The following CEP41 variants were observed in gnomAD, a reference collection of about 807,000 sequenced individuals.
CEP41 encodes centrosomal protein 41.
CEP41 carries 32 observed loss-of-function variants against 44.3 expected under a neutral mutation model. The observed-to-expected ratio is 0.72, with a 90% CI of 0.54 to 0.97. The LOEUF is 0.97. Ranked by LOEUF, CEP41 falls within the 50% of genes least tolerant of loss-of-function variation. CEP41 has a pLI of 0.00. For synonymous variants in CEP41, 151 were observed against 168.5 expected (o/e 0.90, Z 0.80); for missense variants, 432 against 455.2 (o/e 0.95, Z 0.46).
intron 3 of CEP41, among the ~76,000 whole-genome samples, chr7:130,412,866 T>A (rs1239448464): frequency 6.6e-6 from 1 of 152,202 alleles, no homozygotes; most frequent in Non-Finnish European, 1.5e-5. Flanking sequence ...TTAACCTACT[T>A]AGTTTCGCAA....
chr7:130,428,291 A>C (rs1293326917), intron 1 of CEP41, among the ~76,000 whole-genome samples: 1 of 151,602 alleles, frequency 6.6e-6, no homozygotes, highest in Non-Finnish European at 1.5e-5. Context: ...AGGCATGGTG[A>C]TGGGCGCCTG....
intron 1 of CEP41, among the ~76,000 whole-genome samples, chr7:130,432,439 A>G (rs1797848786): frequency 6.6e-6 from 1 of 151,982 alleles, no homozygotes; most frequent in Non-Finnish European, 1.5e-5. Flanking sequence ...TGAGTATGAG[A>G]TATCTGTGGG....
chr7:130,438,937 CT>C (rs1339725123), intron 1 of CEP41, among the ~76,000 whole-genome samples: 2 of 151,962 alleles, frequency 1.3e-5, no homozygotes, highest in African/African-American at 4.8e-5. Context: ...ACCCACTTAT[CT>C]TTTTTTTGAG....
intron 2 of CEP41, chr7:130,417,426 A>G: frequency 1.1e-6 from 1 of 883,840 alleles, no homozygotes; most frequent in Non-Finnish European, 1.4e-6. Flanking sequence ...CTTTGTCTTC[A>G]CAGTTTCCTT....
At chr7:130,418,173 TGGACCTGGAAGTTCCAA>T (rs1554421272) in intron 2 of CEP41, among the ~76,000 whole-genome samples, 1 of 152,210 alleles carries the variant, frequency 6.6e-6, no homozygotes, top group East Asian at 1.9e-4. Flanking sequence ...AGAGCAGGCC[TGGACCTGGAAGTTCCAA>T]GAGAAATGAA....
rs1796684498 is a variant in CEP41 at position 130,397,065 on chromosome 7, TG to T, written c.*1825del. ...CTTAAAAATGTATATGTGGCAAAAA[TG>T]GCTGAAAATCTTGTCCATGCTAGGG... On this transcript the variant is annotated 3_prime_UTR_variant, in exon 11 of 11. Transcript: ENST00000223208. 2.2e-6 allele frequency: 1 copy of T among 454,312 alleles called. No homozygotes were observed. The highest frequency in any genetic ancestry group is 1.6e-5 in the South Asian group (1 of 64,482). 28.1% of individuals were successfully genotyped at this position (454,312 alleles called of 1,614,324 possible).
At chr7:130,413,077 C>T (rs1220860767) in intron 3 of CEP41, among the ~76,000 whole-genome samples, 6 of 151,202 alleles carry the variant, frequency 4.0e-5, no homozygotes, top group Middle Eastern at 3.4e-3. Flanking sequence ...CTGCCACCTC[C>T]GCCTCTCAGG....
Position 130,429,606 on chromosome 7 carries a change from T to C in CEP41, c.34-1588A>G, listed in dbSNP as rs1217922825. 6.6e-5 allele frequency among the ~76,000 whole-genome samples: 10 copies of C among 152,364 alleles called. No homozygotes were observed. In the East Asian group the frequency reaches 1.3e-3, roughly 21 times the overall value. ...TCTGCCACCCTTCCTCATGTTCCCA[T>C]GTTGAAGTTGCTGGGAATGTCTCCT... On this transcript the variant is annotated intron_variant, in intron 1 of 10. Coordinates refer to ENST00000223208, the MANE Select transcript of CEP41 (RefSeq NM_018718.3).
In CEP41 at chr7:130,402,726, T is replaced by C; in HGVS notation, c.496A>G (p.Lys166Glu). ...AGGAAGGGGCAGTCAGGATAAGGTT[T>C]GTCTTTGGTATGGGGCTCTGCTTTC... The part of the protein sequence containing the change: ...VKKAEPHTKD[K>E]PYPDCPFLLL... Residue 166 changes from lysine to glutamate, a missense_variant, in exon 7 of 11, where the codon AAA becomes GAA. Transcript: ENST00000223208. The C allele has an allele frequency of 6.2e-7, 1 of 1,614,172 alleles. No homozygotes were observed. Among genetic ancestry groups the C allele is most frequent in the Non-Finnish European group, 8.5e-7 (1 of 1,180,018 alleles).
At chr7:130,441,125 A>C (rs782074786), upstream of CEP41, 4 of 777,010 alleles carry the variant, frequency 5.1e-6, no homozygotes, top group Non-Finnish European at 8.8e-6. Flanking sequence ...TTACTCTCTC[A>C]TCTCAGGGTC....
chr7:130,424,067 A>C lies in CEP41; in HGVS notation c.97+3888T>G, dbSNP rs1372605661. Among the ~76,000 whole-genome samples, 3 of 152,234 alleles carry C rather than the reference A, an allele frequency of 2.0e-5. No individual in the cohort carries two copies. The East Asian group carries it at 5.8e-4, about 29-fold the overall frequency. On this transcript the variant is annotated intron_variant, in intron 2 of 10. Coordinates refer to ENST00000223208, the MANE Select transcript of CEP41 (RefSeq NM_018718.3). Reference sequence around the variant, plus strand: ...TGATTATTCTAAAATTCATATGGAAAGGCAAGGGAATTAAAATAGCTAAAA... The same window carrying C: ...TGATTATTCTAAAATTCATATGGAACGGCAAGGGAATTAAAATAGCTAAAA...
intron 2 of CEP41, 37 bp from the exon 3 acceptor site, chr7:130,417,003 A>G: frequency 6.9e-7 from 1 of 1,439,002 alleles, no homozygotes; most frequent in South Asian, 1.1e-5. Context: ...TATACTTTAA[A>G]TGGAAGCAAA....
intron 5 of CEP41, among the ~76,000 whole-genome samples, chr7:130,408,194 TC>T (rs1174263029): frequency 4.9e-4 from 74 of 152,330 alleles, no homozygotes; most frequent in African/African-American, 1.4e-3. Flanking sequence ...TTTTACTTCT[TC>T]CCCCTTTTAC....
chr7:130,437,764 CA>C (rs1171735164), intron 1 of CEP41, among the ~76,000 whole-genome samples: 186 of 32,420 alleles, frequency 5.7e-3, no homozygotes, highest in Admixed American at 0.035. Context: ...AAGACTGTCT[CA>C]AAAAAAAAAA....
At chr7:130,412,353 T>A (rs1797208924) in intron 3 of CEP41, 113 bp from the exon 4 acceptor site, 1 of 674,984 alleles carries the variant, frequency 1.5e-6, no homozygotes, top group East Asian at 2.7e-5. Flanking sequence ...ACATCTATTA[T>A]CTCATTTGAG....
chr7:130,401,798 T>G, intron 8 of CEP41, 83 bp downstream of exon 8: 1 of 927,290 alleles, frequency 1.1e-6, no homozygotes, highest in South Asian at 1.3e-5. Flanking sequence ...TTCACAGCAT[T>G]CTTACCAGGA....
intron 4 of CEP41, among the ~76,000 whole-genome samples, chr7:130,411,660 C>G (rs1797185460): frequency 6.6e-6 from 1 of 152,188 alleles, no homozygotes; most frequent in Non-Finnish European, 1.5e-5. Flanking sequence ...CTTTTCACAA[C>G]TTAGCTCACA....
intron 4 of CEP41, chr7:130,411,956 A>G (rs1752712056): frequency 2.1e-6 from 1 of 477,118 alleles, no homozygotes; most frequent in Non-Finnish European, 3.8e-6. Context: ...AAGTAGGGCA[A>G]ACATTTACTT....
intron 2 of CEP41, chr7:130,419,462 T>C (rs1427729181): frequency 1.0e-6 from 1 of 984,878 alleles, no homozygotes; most frequent in African/African-American, 1.8e-5. Context: ...CTGAAGATAG[T>C]TTCTGACTAC....
Sources: allele counts gnomAD v4.1 joint callset (sites outside exome capture counted in the v4.1 genomes callset), GRCh38; gene constraint gnomAD v4.1.1; transcripts MANE v1.5; gene names NCBI Gene and HGNC (gene_info 2026-07-23, HGNC 2026-07-21).